Variants in CPED1 observed in about 807,000 individuals in gnomAD.
The protein encoded by CPED1 is cadherin like and PC-esterase domain containing 1.
CPED1 carries 114 observed loss-of-function variants against 128.2 expected under a neutral mutation model. The ratio of observed to expected loss-of-function variants is 0.89; its 90% CI spans 0.76 to 1.04. The LOEUF is 1.04. Among genes scored for constraint, CPED1 ranks in the 50% least tolerant of loss-of-function variants. CPED1 has a pLI of 0.00. For missense variants in CPED1, 1,211 were observed against 1,207.1 expected (o/e 1.00, Z -0.05); for synonymous variants, 462 against 426.7 (o/e 1.08, Z -1.02).
chr7:121,094,900 G>C (rs1794663359), intron 5 of CPED1, among the ~76,000 whole-genome samples: 1 of 152,092 alleles, frequency 6.6e-6, no homozygotes, highest in Non-Finnish European at 1.5e-5. Context: ...ACAGGCTTCA[G>C]GGCTCTCTAA....
chr7:121,123,509 T>A (rs1179082928), intron 7 of CPED1, among the ~76,000 whole-genome samples: 1 of 152,206 alleles, frequency 6.6e-6, no homozygotes, highest in East Asian at 1.9e-4. Context: ...AGAGAAAGTT[T>A]ATGAATCAAT....
chr7:121,248,980 T>G (rs1169868579), intron 18 of CPED1, among the ~76,000 whole-genome samples: 1 of 152,130 alleles, frequency 6.6e-6, no homozygotes, highest in African/African-American at 2.4e-5. Context: ...TTGAGAAAGA[T>G]TCAAATTTAA....
At chr7:121,238,603 G>A (rs1243724963) in intron 17 of CPED1, among the ~76,000 whole-genome samples, 1 of 152,056 alleles carries the variant, frequency 6.6e-6, no homozygotes, top group Non-Finnish European at 1.5e-5. Flanking sequence ...CCAAAATGAA[G>A]TGATGTTCCT....
intron 6 of CPED1, 48 bp from the exon 7 acceptor site, chr7:121,099,878 C>T: frequency 6.3e-7 from 1 of 1,575,950 alleles, no homozygotes; most frequent in East Asian, 2.3e-5. Flanking sequence ...AAATTATGTA[C>T]TCAACCCTAC....
intron 16 of CPED1, among the ~76,000 whole-genome samples, chr7:121,232,667 C>T (rs1798164555): frequency 6.6e-6 from 1 of 152,070 alleles, no homozygotes; most frequent in Admixed American, 6.6e-5. Context: ...GGGATTTGGC[C>T]ATGCCAGAAT....
intron 11 of CPED1, among the ~76,000 whole-genome samples, chr7:121,129,771 C>T (rs1219173502): frequency 6.6e-6 from 1 of 151,774 alleles, no homozygotes; most frequent in Non-Finnish European, 1.5e-5. Flanking sequence ...ATATTTCTCA[C>T]TCTGACATAA....
In CPED1 at chr7:121,217,807, G is replaced by A. The variant is rs77781238; in HGVS notation, c.2056-18907G>A. On this transcript the variant is annotated intron_variant, in intron 16 of 22. Coordinates refer to ENST00000310396, the MANE Select transcript of CPED1 (RefSeq NM_024913.5). ...AAGAATTTAATATATCACTGTGACT[G>A]GAGAAAAGTAGAACTTGTTTGTAAA... Among the ~76,000 whole-genome samples the A allele has an allele frequency of 7.0e-3, 1,063 of 152,080 alleles. 13 individuals carry two copies. Among genetic ancestry groups the A allele is most frequent in the African/African-American group, 0.022 (933 of 41,506 alleles).
intron 22 of CPED1, among the ~76,000 whole-genome samples, chr7:121,271,705 C>T (rs1304417267): frequency 6.6e-6 from 1 of 152,026 alleles, no homozygotes; most frequent in Non-Finnish European, 1.5e-5. Context: ...CTGGAGAGCA[C>T]TTATTTTCTC....
chr7:121,174,847 G>T (rs1796739482), intron 16 of CPED1, among the ~76,000 whole-genome samples: 1 of 152,152 alleles, frequency 6.6e-6, no homozygotes, highest in Non-Finnish European at 1.5e-5. Context: ...TTATTCTTCT[G>T]ATCCATGAAC....
At chr7:121,267,106 C>T in intron 20 of CPED1, 109 bp from the exon 21 acceptor site, 1 of 682,878 alleles carries the variant, frequency 1.5e-6, no homozygotes, top group Non-Finnish European at 2.5e-6. Context: ...GTCTTTTATG[C>T]CAATTATCAC....
chr7:121,252,074 C>G (rs1376043307), intron 18 of CPED1, among the ~76,000 whole-genome samples: 1 of 151,416 alleles, frequency 6.6e-6, no homozygotes, highest in East Asian at 1.9e-4. Flanking sequence ...TACTACAAGG[C>G]TACAGTAACC....
At chr7:121,285,987 G>C (rs981226893) in intron 22 of CPED1, among the ~76,000 whole-genome samples, 1 of 152,146 alleles carries the variant, frequency 6.6e-6, no homozygotes, top group South Asian at 2.1e-4. Context: ...CCTGAGACTG[G>C]GTAATTTATA....
intron 17 of CPED1, 110 bp from the exon 18 acceptor site, chr7:121,244,092 G>C: frequency 8.0e-7 from 1 of 1,254,796 alleles, no homozygotes; most frequent in Non-Finnish European, 1.2e-6. Context: ...AAAGGATAAG[G>C]ATGGTCTTAC....
At chr7:121,000,122 G>A (rs1380118976) in intron 2 of CPED1, among the ~76,000 whole-genome samples, 1 of 152,090 alleles carries the variant, frequency 6.6e-6, no homozygotes, top group African/African-American at 2.4e-5. Context: ...TGAGTCTGTG[G>A]CCTTTTGGGG....
At chr7:121,087,141 G>A (rs1181578959) in intron 5 of CPED1, among the ~76,000 whole-genome samples, 1 of 152,194 alleles carries the variant, frequency 6.6e-6, no homozygotes. Context: ...GTCTTGAATA[G>A]GAGTTGGAAA....
intron 16 of CPED1, among the ~76,000 whole-genome samples, chr7:121,223,508 A>G (rs1797934183): frequency 6.6e-6 from 1 of 152,000 alleles, no homozygotes; most frequent in African/African-American, 2.4e-5. Flanking sequence ...TTTTCTATTG[A>G]TTGGAGTAGT....
At chr7:121,079,880 A>T (rs1794239846) in intron 5 of CPED1, among the ~76,000 whole-genome samples, 1 of 152,260 alleles carries the variant, frequency 6.6e-6, no homozygotes, top group African/African-American at 2.4e-5. Flanking sequence ...AAATGCCACT[A>T]GAAATTAGAG....
chr7:121,070,419 C>T (rs2721349), intron 5 of CPED1, among the ~76,000 whole-genome samples: 1 of 151,852 alleles, frequency 6.6e-6, no homozygotes, highest in African/African-American at 2.4e-5. Context: ...TCTCACCTCT[C>T]TCCCAAACAT....
At chr7:121,064,390 C>A in intron 5 of CPED1, 77 bp downstream of exon 5, 1 of 953,670 alleles carries the variant, frequency 1.0e-6, no homozygotes, top group Non-Finnish European at 1.7e-6. Flanking sequence ...CTAACATGGT[C>A]TCAGGTCAGC....
Sources: gnomAD v4.1 joint callset for allele counts (sites outside exome capture counted in the v4.1 genomes callset) on GRCh38, gnomAD v4.1.1 for gene constraint, MANE v1.5 for transcripts, NCBI Gene and HGNC (gene_info 2026-07-23, HGNC 2026-07-21) for gene names.